Variants in FBXO16 observed in about 807,000 individuals in gnomAD.
FBXO16 encodes the protein F-box only protein 16.
FBXO16 carries 31 observed loss-of-function variants against 41.0 expected under a neutral mutation model. The observed-to-expected ratio is 0.76, with a 90% CI of 0.57 to 1.02. The LOEUF is 1.02. Among genes scored for constraint, FBXO16 ranks in the 50% least tolerant of loss-of-function variants. The pLI is 0.00. For missense variants in FBXO16, 361 were observed against 346.2 expected, an observed-to-expected ratio of 1.04 and a Z score of -0.34; for synonymous variants, 133 against 117.8, an observed-to-expected ratio of 1.13 and a Z score of -0.84.
At chr8:28,482,876 G>A (rs74933840) in intron 2 of FBXO16, among the ~76,000 whole-genome samples, 4,396 of 152,106 alleles carry the variant, frequency 0.029, 221 homozygotes, top group African/African-American at 0.099. Flanking sequence ...ACCGCACCCA[G>A]CCATGAAAAT....
chr8:28,434,560 T>C (rs774207491), intron 7 of FBXO16, among the ~76,000 whole-genome samples: 1 of 152,242 alleles, frequency 6.6e-6, no homozygotes, highest in Non-Finnish European at 1.5e-5. Flanking sequence ...GCCTGTGATG[T>C]GGTAAAGAAT....
In FBXO16 at chr8:28,429,262, C is replaced by T. The variant is rs1184816644; in HGVS notation, c.869+116G>A. 60 of 1,160,670 alleles carry T rather than the reference C, an allele frequency of 5.2e-5. No individual in the cohort carries two copies. In the East Asian group the frequency reaches 1.4e-3, roughly 27 times the overall value. The allele number at this position is 1,160,670 out of a possible 1,614,324, so 71.9% of individuals were successfully genotyped here. A position where few individuals can be genotyped will look rare whatever the true frequency, so the allele number is the denominator to read the frequency against. On this transcript the variant is annotated intron_variant, in intron 8 of 8. Coordinates refer to ENST00000380254, the MANE Select transcript of FBXO16 (RefSeq NM_172366.4). The stretch of plus-strand genomic sequence containing the variant: ...CCTCCCAAAGTGCTGAGATTATCAG[C>T]GTGAGCCACTGTGCCCAGCCTGTTC...
In FBXO16 at chr8:28,456,694, C is replaced by T. The variant is rs1585904728; in HGVS notation, c.507+72G>A. 9 of 1,545,102 alleles carry T rather than the reference C, an allele frequency of 5.8e-6. No homozygotes were observed. The East Asian group carries it at 2.0e-4, about 35-fold the overall frequency. The stretch of plus-strand genomic sequence containing the variant: ...TCCCTTCCCCAACTTCCAGTCTGAT[C>T]CTTTATTCTTAGTTCTAGAATTTGC... On this transcript the variant is annotated intron_variant, in intron 5 of 8. Coordinates refer to ENST00000380254, the MANE Select transcript of FBXO16 (RefSeq NM_172366.4).
At chr8:28,447,879 A>C (rs1261722540) in intron 6 of FBXO16, among the ~76,000 whole-genome samples, 1 of 152,176 alleles carries the variant, frequency 6.6e-6, no homozygotes, top group Non-Finnish European at 1.5e-5. Context: ...ACTCGAACCC[A>C]GGAAGTAGAG....
chr8:28,436,417 C>T (rs1351023306), intron 7 of FBXO16, among the ~76,000 whole-genome samples: 1 of 152,174 alleles, frequency 6.6e-6, no homozygotes, highest in Non-Finnish European at 1.5e-5. Flanking sequence ...AAGAAATAAC[C>T]AACGCAGTTT....
At chr8:28,449,969 CAAAAAAAAAAGAAAA>C (rs1488238612) in intron 6 of FBXO16, among the ~76,000 whole-genome samples, 3 of 100,966 alleles carry the variant, frequency 3.0e-5, no homozygotes, top group South Asian at 3.5e-4. Context: ...AAGACTGTCT[CAAAAAAAAAAGAAAA>C]AAAAAAAAAA....
chr8:28,460,447 A>ATTTTTTTT (rs1803116180), intron 4 of FBXO16, among the ~76,000 whole-genome samples: 1 of 42,774 alleles, frequency 2.3e-5, no homozygotes, highest in African/African-American at 1.8e-4. Context: ...TTTTTTTTTG[A>ATTTTTTTT]GACAGCGTCT....
chr8:28,435,476 A>G (rs1405369592), intron 7 of FBXO16, among the ~76,000 whole-genome samples: 1 of 151,850 alleles, frequency 6.6e-6, no homozygotes, highest in Non-Finnish European at 1.5e-5. Context: ...GCCTGGCCTG[A>G]GGGCAGGTAA....
intron 7 of FBXO16, among the ~76,000 whole-genome samples, chr8:28,438,236 A>G (rs981507342): frequency 4.6e-5 from 7 of 152,102 alleles, no homozygotes; most frequent in African/African-American, 1.4e-4. Context: ...GAATTACTTG[A>G]ACCTGAGAGG....
intron 7 of FBXO16, among the ~76,000 whole-genome samples, chr8:28,443,049 C>T (rs958720491): frequency 1.3e-5 from 2 of 150,050 alleles, no homozygotes; most frequent in Non-Finnish European, 3.0e-5. Flanking sequence ...GGTAGGGTCT[C>T]GCTCTGTCAC....
chr8:28,489,715 A>AC (rs5890420), intron 1 of FBXO16, among the ~76,000 whole-genome samples: 48,409 of 134,380 alleles, frequency 0.36, 7,953 homozygotes, highest in Middle Eastern at 0.42. Flanking sequence ...ACAAAAACCA[A>AC]CAAAAAAAAA....
intron 7 of FBXO16, 68 bp from the exon 8 acceptor site, chr8:28,429,471 G>T: frequency 6.3e-7 from 1 of 1,581,426 alleles, no homozygotes. Flanking sequence ...AGCTGAGCTT[G>T]AAGGGAGAGA....
chr8:28,430,921 A>C (rs1802596014), intron 7 of FBXO16, among the ~76,000 whole-genome samples: 2 of 152,172 alleles, frequency 1.3e-5, no homozygotes, highest in Admixed American at 1.3e-4. Flanking sequence ...ACAGTGAGCA[A>C]GACCGCGCCA....
rs773222864 is a variant in FBXO16, at chr8:28,483,472, G to C, written c.-16-10C>G. On this transcript the variant is annotated splice_polypyrimidine_tract_variant and intron_variant, in intron 1 of 8. Coordinates refer to ENST00000380254, the MANE Select transcript of FBXO16 (RefSeq NM_172366.4). ...GAAACAACTGGATATCCTTCCATAA[G>C]AAAAACAACACCTATCAGAAGAAGT... is the stretch of plus-strand genomic sequence containing the variant. 4 of 1,571,116 alleles carry C rather than the reference G, an allele frequency of 2.5e-6. No homozygotes were observed. In the East Asian group the frequency reaches 9.0e-5, roughly 35 times the overall value.
chr8:28,431,102 C>T (rs913022800), intron 7 of FBXO16, among the ~76,000 whole-genome samples: 3 of 152,204 alleles, frequency 2.0e-5, no homozygotes, highest in Non-Finnish European at 4.4e-5. Context: ...TACCATGCAA[C>T]GCTTATCTGT....
chr8:28,473,304 C>T (rs1251200084), intron 3 of FBXO16, among the ~76,000 whole-genome samples: 1 of 152,166 alleles, frequency 6.6e-6, no homozygotes, highest in African/African-American at 2.4e-5. Flanking sequence ...CCCTTAAATC[C>T]AAGCTGAATT....
At chr8:28,481,739 G>A (rs1387496449) in intron 2 of FBXO16, among the ~76,000 whole-genome samples, 2 of 151,342 alleles carry the variant, frequency 1.3e-5, no homozygotes, top group African/African-American at 2.4e-5. Flanking sequence ...GAACCCGGGA[G>A]GTGGAGGTTG....
chr8:28,428,741 A>G lies in FBXO16; in HGVS notation c.870-5T>C, dbSNP rs1239463514. 6 of 1,518,484 alleles carry G rather than the reference A, an allele frequency of 4.0e-6. No individual in the cohort carries two copies. The highest frequency in any genetic ancestry group is 5.3e-6 in the Non-Finnish European group (6 of 1,137,822). The allele number at this position is 1,518,484 out of a possible 1,614,324, so 94.1% of individuals were successfully genotyped here. A position where few individuals can be genotyped will look rare whatever the true frequency, so the allele number is the denominator to read the frequency against. ...AGAGCTGGCACTTAGGGACATCTAG[A>G]AAGGAAAAAGGAATCATGAAAGCGA... On this transcript the variant is annotated splice_polypyrimidine_tract_variant and splice_region_variant and intron_variant, in intron 8 of 8. Coordinates refer to ENST00000380254, the MANE Select transcript of FBXO16 (RefSeq NM_172366.4).
At chr8:28,443,637 G>A (rs573532914) in intron 7 of FBXO16, among the ~76,000 whole-genome samples, 1 of 152,178 alleles carries the variant, frequency 6.6e-6, no homozygotes, top group South Asian at 2.1e-4. Context: ...ATAGGAGCTG[G>A]GTAAAATGAG....
Sources: allele counts gnomAD v4.1 joint callset (sites outside exome capture counted in the v4.1 genomes callset), GRCh38; gene constraint gnomAD v4.1.1; transcripts MANE v1.5; gene names NCBI Gene and HGNC (gene_info 2026-07-23, HGNC 2026-07-21).